Variants in TACC2 observed in about 807,000 individuals in gnomAD.
The protein encoded by TACC2 is transforming acidic coiled-coil-containing protein 2.
TACC2 carries 137 observed loss-of-function variants against 227.3 expected under a neutral mutation model. That is an observed-to-expected ratio of 0.60 (90% CI 0.52 to 0.69). The LOEUF is 0.69. TACC2 is among the 30% of genes least tolerant of loss of function. The pLI is 0.00. For synonymous variants in TACC2, 1,523 were observed against 1,487.5 expected (o/e 1.02, Z -0.55); for missense variants, 3,470 against 3,694.4 (o/e 0.94, Z 1.57).
chr10:122,151,512 C>G (rs2092037084), intron 7 of TACC2, among the ~76,000 whole-genome samples: 1 of 152,130 alleles, frequency 6.6e-6, no homozygotes. Context: ...GCAGGGTGAG[C>G]AGCCAAGGTG....
At chr10:122,186,206 G>A (rs1000623782) in intron 7 of TACC2, among the ~76,000 whole-genome samples, 2 of 152,170 alleles carry the variant, frequency 1.3e-5, no homozygotes, top group Non-Finnish European at 2.9e-5. Context: ...TGGGATTACA[G>A]GTGTGAGCCA....
At chr10:122,204,031 G>C (rs1443624818) in intron 8 of TACC2, among the ~76,000 whole-genome samples, 2 of 151,246 alleles carry the variant, frequency 1.3e-5, no homozygotes, top group South Asian at 2.1e-4. Flanking sequence ...GGCGGCGCGC[G>C]CCTGCAATCC....
At position 122,229,378 on chromosome 10, in the gene TACC2, C is replaced by T. The variant is rs61753076; in HGVS notation, c.7929C>T (p.Asp2643=). The T allele has an allele frequency of 4.3e-3, 6,996 of 1,613,966 alleles. 24 individuals are homozygous for T. The highest frequency in any genetic ancestry group is 6.9e-3 in the Middle Eastern group (42 of 6,062). Residue 2643 remains aspartate, a synonymous_variant, in exon 15 of 23, where the codon GAC becomes GAT. Transcript: ENST00000369005. ...TAPEGSFASA[D]ALLSRLAHPV... The stretch of plus-strand genomic sequence containing the variant: ...CCGAGGGCTCCTTTGCCTCTGCTGA[C>T]GCCCTCCTCAGCAGGCTAGCTCACC...
chr10:122,111,662 T>C (rs1241259413), intron 5 of TACC2, among the ~76,000 whole-genome samples: 1 of 151,736 alleles, frequency 6.6e-6, no homozygotes, highest in Non-Finnish European at 1.5e-5. Context: ...AGCTATTTTT[T>C]TTTTTGTATT....
chr10:122,237,486 T>C lies in TACC2; in HGVS notation c.8219T>C (p.Leu2740Pro). 1 of 1,614,146 alleles carries C rather than the reference T, an allele frequency of 6.2e-7. No individual in the cohort carries two copies. Among genetic ancestry groups the C allele is most frequent in the Non-Finnish European group, 8.5e-7 (1 of 1,180,004 alleles). ...GTAEVEKPAG[L>P]LFQQPDLDSA... The stretch of plus-strand genomic sequence containing the variant: ...GCTGAGGTGGAGAAACCTGCAGGCC[T>C]TCTGTTCCAGCAGCCCGACCTGGAC... The change falls in exon 17 of 23, where the codon CTT becomes CCT. Residue 2740 changes from leucine to proline, a missense_variant. This residue lies in a region of TACC2 where 345 missense variants were observed against 354.4 expected (regional missense o/e 0.97). Coordinates refer to ENST00000369005, the MANE Select transcript of TACC2 (RefSeq NM_206862.4).
In TACC2 at chr10:122,028,191, G is replaced by A. The variant is rs192190822; in HGVS notation, c.33+6177G>A. ...TGCAACCTCCAGTTCCTGGGTTCAA[G>A]CGATTCTCCTGCCTCAGCCTCCTGG... On this transcript the variant is annotated intron_variant, in intron 2 of 22. Transcript: ENST00000369005. Among the ~76,000 whole-genome samples, 681 of 140,100 alleles carry A rather than the reference G, an allele frequency of 4.9e-3. 9 individuals carry two copies. Among genetic ancestry groups the A allele is most frequent in the Non-Finnish European group, 5.7e-3 (380 of 66,706 alleles). 91.9% of individuals were successfully genotyped at this position (140,100 alleles called of 152,430 possible).
intron 5 of TACC2, among the ~76,000 whole-genome samples, chr10:122,097,555 G>C (rs1168011667): frequency 6.6e-6 from 1 of 152,062 alleles, no homozygotes; most frequent in Non-Finnish European, 1.5e-5. Flanking sequence ...AGTGGCCCCA[G>C]GGGACGGGGA....
At chr10:122,028,093 T>A (rs866281837) in intron 2 of TACC2, among the ~76,000 whole-genome samples, 1 of 131,638 alleles carries the variant, frequency 7.6e-6, no homozygotes, top group Admixed American at 7.7e-5. Flanking sequence ...TCTTTTTTTT[T>A]TTTTTTTTTT....
At chr10:122,114,144 T>TG (rs1284304212) in intron 5 of TACC2, among the ~76,000 whole-genome samples, 3 of 151,874 alleles carry the variant, frequency 2.0e-5, no homozygotes, top group Non-Finnish European at 2.9e-5. Context: ...CTGGAGAGGA[T>TG]GGGGGGCCCT....
At chr10:122,240,070 C>T (rs1564808015) in intron 18 of TACC2, among the ~76,000 whole-genome samples, 1 of 152,168 alleles carries the variant, frequency 6.6e-6, no homozygotes, top group Non-Finnish European at 1.5e-5. Flanking sequence ...CACTCTGACT[C>T]CACCCCAGTG....
At chr10:122,250,640 C>T (rs1472581114) in intron 22 of TACC2, among the ~76,000 whole-genome samples, 2 of 152,146 alleles carry the variant, frequency 1.3e-5, no homozygotes, top group Admixed American at 6.5e-5. Flanking sequence ...CCTCACTCCA[C>T]CTAAGTAATG....
At position 122,084,108 on chromosome 10, in the gene TACC2, C is replaced by G. The variant is rs751028297; in HGVS notation, c.1608C>G (p.Pro536=). 2.4e-5 allele frequency: 38 copies of G among 1,613,944 alleles called. No homozygotes were observed. Among genetic ancestry groups the G allele is most frequent in the East Asian group, 1.3e-4 (6 of 44,868 alleles). Residue 536 remains proline (P), a synonymous_variant, in exon 4 of 23, where the codon CCC becomes CCG. Coordinates refer to ENST00000369005, the MANE Select transcript of TACC2 (RefSeq NM_206862.4). The stretch of plus-strand genomic sequence containing the variant: ...CAGGAGCACCACCCCCTCCTCTTCC[C>G]AAGGCACCAAGTGAAAGTGCCAGAG... ...VQPGAPPPPL[P]KAPSESARGP...
intron 7 of TACC2, among the ~76,000 whole-genome samples, chr10:122,154,531 T>C (rs117384371): frequency 0.014 from 2,180 of 152,370 alleles, 29 homozygotes; most frequent in Middle Eastern, 0.024. Flanking sequence ...CAGCTCTCTC[T>C]CACAACGATT....
At chr10:122,134,751 C>T (rs942212010) in intron 6 of TACC2, among the ~76,000 whole-genome samples, 6 of 152,222 alleles carry the variant, frequency 3.9e-5, no homozygotes, top group Admixed American at 1.3e-4. Context: ...TCACTCTCAC[C>T]CGATGCTCCC....
At chr10:122,061,419 T>A (rs1434611734) in intron 3 of TACC2, among the ~76,000 whole-genome samples, 1 of 152,058 alleles carries the variant, frequency 6.6e-6, no homozygotes, top group Non-Finnish European at 1.5e-5. Context: ...TCTGCCGAGT[T>A]CCACGGCCAC....
At chr10:122,212,530 T>G (rs1172868841) in intron 9 of TACC2, among the ~76,000 whole-genome samples, 3 of 152,228 alleles carry the variant, frequency 2.0e-5, no homozygotes, top group Non-Finnish European at 2.9e-5. Context: ...GGTTAATATC[T>G]TGGCGATTTC....
intron 22 of TACC2, 104 bp from the exon 23 acceptor site, chr10:122,253,887 G>A (rs1745354237): frequency 1.1e-6 from 1 of 880,360 alleles, no homozygotes; most frequent in Non-Finnish European, 1.9e-6. Flanking sequence ...CTTTAGTGGG[G>A]ACCAAGGGGC....
At chr10:122,186,546 C>T (rs923602387) in intron 7 of TACC2, among the ~76,000 whole-genome samples, 1 of 151,278 alleles carries the variant, frequency 6.6e-6, no homozygotes, top group Non-Finnish European at 1.5e-5. Context: ...CAGAGTCTTG[C>T]TCTGTCACCC....
chr10:122,249,199 C>A (rs368106258), intron 21 of TACC2, 43 bp downstream of exon 21: 198 of 1,477,918 alleles, frequency 1.3e-4, no homozygotes, highest in Non-Finnish European at 1.7e-4. Context: ...GGCCTCCCAG[C>A]AGCCCTTTTA....
Sources: allele counts gnomAD v4.1 joint callset (sites outside exome capture counted in the v4.1 genomes callset), GRCh38; gene constraint gnomAD v4.1.1; regional missense constraint gnomAD v4.1.1; transcripts MANE v1.5; gene names NCBI Gene and HGNC (gene_info 2026-07-23, HGNC 2026-07-21).